The following TMEM132D variants were observed in gnomAD, a reference collection of about 807,000 sequenced individuals.
TMEM132D encodes the protein transmembrane protein 132D, also known as mature OL transmembrane protein.
Under a neutral mutation model 62.3 loss-of-function variants are expected in TMEM132D, and 21 were observed. The observed-to-expected ratio is 0.34, with a 90% CI of 0.24 to 0.49. The LOEUF (loss-of-function observed/expected upper bound fraction) is 0.49, where lower values mean the gene tolerates loss of function less well. Ranked by LOEUF, TMEM132D falls within the 20% of genes least tolerant of loss-of-function variation. TMEM132D has a pLI of 0.99. For missense variants in TMEM132D, 1,346 were observed against 1,402.8 expected (o/e 0.96, Z 0.65); for synonymous variants, 621 against 575.6 (o/e 1.08, Z -1.13).
chr12:129,418,025 G>C (rs1282741230), intron 3 of TMEM132D, among the ~76,000 whole-genome samples: 4 of 152,220 alleles, frequency 2.6e-5, no homozygotes, highest in African/African-American at 9.7e-5. Flanking sequence ...AGTTAGAAAG[G>C]CGATCATTAA....
intron 2 of TMEM132D, among the ~76,000 whole-genome samples, chr12:129,626,922 G>A (rs1349223643): frequency 6.6e-6 from 1 of 152,134 alleles, no homozygotes; most frequent in Admixed American, 6.5e-5. Flanking sequence ...CCAAGTCAGC[G>A]TTGGCTAAGA....
At chr12:129,829,145 A>G (rs1240347609) in intron 1 of TMEM132D, among the ~76,000 whole-genome samples, 1 of 152,182 alleles carries the variant, frequency 6.6e-6, no homozygotes, top group Non-Finnish European at 1.5e-5. Flanking sequence ...AGCCAGCAGC[A>G]TTCCTAGCTG....
At chr12:129,496,084 G>A (rs1443057430) in intron 3 of TMEM132D, among the ~76,000 whole-genome samples, 2 of 152,142 alleles carry the variant, frequency 1.3e-5, no homozygotes, top group Non-Finnish European at 2.9e-5. Flanking sequence ...ATATTGATTG[G>A]TTTCATTCAC....
chr12:129,803,189 C>A (rs1871856939), intron 1 of TMEM132D, among the ~76,000 whole-genome samples: 1 of 151,530 alleles, frequency 6.6e-6, no homozygotes, highest in African/African-American at 2.4e-5. Context: ...CCAAGCGGGC[C>A]TAATAGACAT....
Position 129,700,253 on chromosome 12 carries a change from C to A in TMEM132D, c.525G>T (p.Glu175Asp), listed in dbSNP as rs775543841. 6.2e-7 allele frequency: 1 copy of A among 1,613,154 alleles called. No homozygotes were observed. Among genetic ancestry groups the A allele is most frequent in the East Asian group, 2.2e-5 (1 of 44,886 alleles). ...LPCLRVFAFR[E>D]TREVRGSCRL... ...GGCAGCTGCCCCGCACCTCTCGGGT[C>A]TCTCGGAAAGCAAAGACCCTCAGGC... The change falls in exon 2 of 9, where the codon GAG becomes GAT. Residue 175 changes from glutamate to aspartate, a missense_variant. Physicochemically the swap from Glu to Asp is conservative, Grantham distance 45. Transcript: ENST00000422113.
At position 129,429,051 on chromosome 12, in the gene TMEM132D, C is replaced by G. The variant is rs112158848; in HGVS notation, c.1116-91234G>C. On this transcript the variant is annotated intron_variant, in intron 3 of 8. Coordinates refer to ENST00000422113, the MANE Select transcript of TMEM132D (RefSeq NM_133448.3). ...TTACTCACTGTAGTCCAAAGTCCTT[C>G]AAGTTACTCACTGTAGTCCAAAATC... Among the ~76,000 whole-genome samples, 2 of 150,560 alleles carry G rather than the reference C, an allele frequency of 1.3e-5. 1 individual carries two copies. The highest frequency in any genetic ancestry group is 5.0e-5 in the African/African-American group (2 of 40,098).
intron 4 of TMEM132D, among the ~76,000 whole-genome samples, chr12:129,314,226 T>C (rs543263755): frequency 3.3e-5 from 5 of 152,356 alleles, no homozygotes; most frequent in African/African-American, 1.2e-4. Context: ...CAATGTTATC[T>C]TCTAGAACTT....
At chr12:129,385,784 G>C (rs1197674782) in intron 3 of TMEM132D, among the ~76,000 whole-genome samples, 7 of 152,298 alleles carry the variant, frequency 4.6e-5, no homozygotes, top group Non-Finnish European at 1.5e-5. Flanking sequence ...TTTTATGACT[G>C]AATTTCAGAA....
At chr12:129,804,587 C>T in intron 1 of TMEM132D, among the ~76,000 whole-genome samples, 1 of 144,110 alleles carries the variant, frequency 6.9e-6, no homozygotes, top group South Asian at 2.4e-4. Flanking sequence ...CAATATCATA[C>T]TGAATGGGCA....
At chr12:129,363,324 T>C (rs547525954) in intron 3 of TMEM132D, among the ~76,000 whole-genome samples, 49 of 152,342 alleles carry the variant, frequency 3.2e-4, no homozygotes, top group African/African-American at 1.1e-3. Flanking sequence ...TCTAACACCG[T>C]CAGCTCAATA....
chr12:129,169,077 C>T (rs11060179), intron 5 of TMEM132D, among the ~76,000 whole-genome samples: 59,972 of 152,014 alleles, frequency 0.39, 12,291 homozygotes, highest in African/African-American at 0.5. Flanking sequence ...GTAAAGCCGT[C>T]TTTAAACTTC....
At chr12:129,321,650 A>G (rs34160198) in intron 4 of TMEM132D, among the ~76,000 whole-genome samples, 23,796 of 151,596 alleles carry the variant, frequency 0.16, 2,582 homozygotes, top group Non-Finnish European at 0.23. Flanking sequence ...TCCACCTCCC[A>G]GGTTCACGCC....
intron 5 of TMEM132D, among the ~76,000 whole-genome samples, chr12:129,142,881 G>A (rs978028802): frequency 2.6e-5 from 4 of 152,086 alleles, no homozygotes; most frequent in Non-Finnish European, 5.9e-5. Context: ...TTTTCCAGAT[G>A]GAGTCCCATT....
intron 2 of TMEM132D, among the ~76,000 whole-genome samples, chr12:129,677,117 G>C (rs1305196901): frequency 1.3e-5 from 2 of 152,094 alleles, no homozygotes; most frequent in Admixed American, 1.3e-4. Flanking sequence ...CAGTTAATAC[G>C]GTTGGGCTGT....
intron 1 of TMEM132D, among the ~76,000 whole-genome samples, chr12:129,839,117 A>ATTCTTTTTTTTTTTTTTTTTTTTTTT (rs1873098011): frequency 4.8e-5 from 1 of 20,704 alleles, no homozygotes; most frequent in Non-Finnish European, 8.4e-5. Context: ...CGCCTGGCTA[A>ATTCTTTTTTTTTTTTTTTTTTTTTTT]TTTTTTTTTT....
At chr12:129,701,187 T>C (rs906439232) in intron 1 of TMEM132D, among the ~76,000 whole-genome samples, 2 of 152,178 alleles carry the variant, frequency 1.3e-5, no homozygotes, top group African/African-American at 2.4e-5. Context: ...ACCTGATACA[T>C]ATTCCTTTGT....
chr12:129,578,375 C>T (rs1486874719), intron 2 of TMEM132D, among the ~76,000 whole-genome samples: 2 of 149,708 alleles, frequency 1.3e-5, no homozygotes, highest in African/African-American at 4.9e-5. Context: ...CTGATTGGTT[C>T]TGTTTTTCTG....
chr12:129,400,317 C>A (rs1871582626), intron 3 of TMEM132D, among the ~76,000 whole-genome samples: 1 of 152,216 alleles, frequency 6.6e-6, no homozygotes, highest in Admixed American at 6.5e-5. Flanking sequence ...TCTGCTAGGC[C>A]TGGCAAACCT....
At chr12:129,110,105 TC>T (rs1288131924) in intron 5 of TMEM132D, 1 of 152,386 alleles carries the variant, frequency 6.6e-6, no homozygotes, top group East Asian at 1.9e-4. Context: ...CGGTTCTCCC[TC>T]CTTCCCATCC....
Sources: allele counts gnomAD v4.1 joint callset (sites outside exome capture counted in the v4.1 genomes callset), GRCh38; gene constraint gnomAD v4.1.1; transcripts MANE v1.5; gene names NCBI Gene and HGNC (gene_info 2026-07-23, HGNC 2026-07-21).